ALK: variants seen among roughly 807,000 people sequenced by gnomAD.
The protein encoded by ALK is ALK tyrosine kinase receptor.
Under a neutral mutation model 163.1 loss-of-function variants are expected in ALK, and 74 were observed. The observed-to-expected ratio is 0.45, with a 90% confidence interval of 0.38 to 0.55. The LOEUF is 0.55. Among genes scored for constraint, ALK ranks in the 20% least tolerant of loss-of-function variants. The pLI, the probability that ALK is intolerant of heterozygous loss-of-function variation, is 0.00. For synonymous variants in ALK, 960 were observed against 843.2 expected (o/e 1.14, Z -2.40); for missense variants, 2,063 against 2,105.3 (o/e 0.98, Z 0.39).
chr2:29,603,630 G>A (rs781656519), intron 3 of ALK, among the ~76,000 whole-genome samples: 12 of 151,980 alleles, frequency 7.9e-5, no homozygotes, highest in Non-Finnish European at 8.8e-5. Flanking sequence ...TTGGCCAAGG[G>A]GAGGGGTGCA....
At chr2:29,536,678 C>T (rs1204330491) in intron 3 of ALK, among the ~76,000 whole-genome samples, 15 of 151,856 alleles carry the variant, frequency 9.9e-5, no homozygotes, top group African/African-American at 2.4e-4. Context: ...GGAATTTGGG[C>T]GGGAGAAGCT....
chr2:29,734,194 T>C (rs1383651381), intron 1 of ALK, among the ~76,000 whole-genome samples: 2 of 152,172 alleles, frequency 1.3e-5, no homozygotes, highest in African/African-American at 4.8e-5. Flanking sequence ...GACTTGGCAA[T>C]TGTGCAATCT....
At chr2:29,336,650 C>G (rs1390131165) in intron 5 of ALK, among the ~76,000 whole-genome samples, 2 of 152,168 alleles carry the variant, frequency 1.3e-5, no homozygotes, top group African/African-American at 4.8e-5. Context: ...AAACAGAAAC[C>G]CATGCATCCT....
intron 3 of ALK, among the ~76,000 whole-genome samples, chr2:29,603,152 A>C (rs1260925001): frequency 6.6e-6 from 1 of 152,234 alleles, no homozygotes; most frequent in African/African-American, 2.4e-5. Context: ...CAAGGTTCTT[A>C]TTATGAAGAT....
rs375512897 is a variant in ALK at position 29,227,726 on chromosome 2, A to G, written c.2816-54T>C. 1.4e-6 allele frequency: 2 copies of G among 1,388,192 alleles called. No homozygotes were observed. Among genetic ancestry groups the G allele is most frequent in the Non-Finnish European group, 2.0e-6 (2 of 975,698 alleles). 86.0% of individuals were successfully genotyped at this position (1,388,192 alleles called of 1,614,324 possible). A position where few individuals can be genotyped will look rare whatever the true frequency, so the allele number is the denominator to read the frequency against. The stretch of plus-strand genomic sequence containing the variant: ...CATGGGGGGTGGGTGCCAAAATCTT[A>G]ACACACACACACGTCAGTGGGGCAT... On this transcript the variant is annotated intron_variant, in intron 16 of 28. Transcript: ENST00000389048. This position sits in a 1 kb window ranked among gnomAD's most constrained non-coding sequence, Gnocchi z 4.4.
chr2:29,340,831 A>G (rs1276496175), intron 5 of ALK, among the ~76,000 whole-genome samples: 1 of 152,166 alleles, frequency 6.6e-6, no homozygotes, highest in Non-Finnish European at 1.5e-5. Flanking sequence ...TGGTGGCTTT[A>G]TCTAAAATCT....
rs532098080 is a variant in ALK at position 29,656,177 on chromosome 2, A to G, written c.952+38673T>C. ...GTGAATTTTAAAAATGTAAATTTTTACATTAAATACTTCATTAACCCCACC... is the reference window on the plus strand; with the variant it reads ...GTGAATTTTAAAAATGTAAATTTTTGCATTAAATACTTCATTAACCCCACC... On this transcript the variant is annotated intron_variant, in intron 3 of 28. Coordinates refer to ENST00000389048, the MANE Select transcript of ALK (RefSeq NM_004304.5). Among the ~76,000 whole-genome samples the G allele has an allele frequency of 4.6e-5, 7 of 152,286 alleles. No individual in the cohort carries two copies. The South Asian group carries it at 1.5e-3, about 32-fold the overall frequency.
intron 5 of ALK, among the ~76,000 whole-genome samples, chr2:29,344,312 G>T (rs932193531): frequency 6.6e-6 from 1 of 152,108 alleles, no homozygotes; most frequent in Non-Finnish European, 1.5e-5. Flanking sequence ...CTCATGAGTC[G>T]GGCAGGCTCA....
intron 9 of ALK, among the ~76,000 whole-genome samples, chr2:29,295,147 C>A (rs1666138150): frequency 6.6e-6 from 1 of 152,168 alleles, no homozygotes; most frequent in South Asian, 2.1e-4. Context: ...CCCCACTGGA[C>A]AGTTTGGTCT....
chr2:29,208,070 A>C (rs1163581803), intron 25 of ALK: 1 of 441,276 alleles, frequency 2.3e-6, no homozygotes, highest in Non-Finnish European at 4.5e-6. Flanking sequence ...GGACATAAAT[A>C]GGTCAGTCTC....
At chr2:29,809,172 T>C (rs1388399015) in intron 1 of ALK, among the ~76,000 whole-genome samples, 1 of 152,208 alleles carries the variant, frequency 6.6e-6, no homozygotes, top group Non-Finnish European at 1.5e-5. Flanking sequence ...TTAAGCAAGG[T>C]TCTGGAAACA....
intron 4 of ALK, among the ~76,000 whole-genome samples, chr2:29,465,373 AT>A (rs1671185140): frequency 1.3e-5 from 2 of 152,258 alleles, no homozygotes; most frequent in African/African-American, 4.8e-5. Flanking sequence ...TTTAGACAAA[AT>A]TCTATAGGGA....
chr2:29,902,126 G>A lies in ALK; in HGVS notation c.667+17867C>T, dbSNP rs188723198. On this transcript the variant is annotated intron_variant, in intron 1 of 28. Transcript: ENST00000389048. ...TGCCCAGCCCTGACTTCTTACATGA[G>A]TTCTAGTGCCATGTTTCCAGCTAGC... 2.4e-4 allele frequency among the ~76,000 whole-genome samples: 36 copies of A among 152,252 alleles called. No individual in the cohort carries two copies. In the East Asian group the frequency reaches 6.8e-3, roughly 29 times the overall value.
chr2:29,847,946 C>T (rs192231294), intron 1 of ALK, among the ~76,000 whole-genome samples: 3 of 152,080 alleles, frequency 2.0e-5, no homozygotes, highest in African/African-American at 4.8e-5. Flanking sequence ...AGCTTTGATA[C>T]GCTCATTGTC....
chr2:29,454,914 C>A (rs540380897), intron 4 of ALK, among the ~76,000 whole-genome samples: 2 of 152,122 alleles, frequency 1.3e-5, no homozygotes, highest in South Asian at 4.2e-4. Context: ...AAATAAAAGT[C>A]CTATGCGGTT....
At chr2:29,435,081 G>A (rs1670366353) in intron 4 of ALK, among the ~76,000 whole-genome samples, 1 of 152,098 alleles carries the variant, frequency 6.6e-6, no homozygotes, top group Admixed American at 6.6e-5. Context: ...AAGCCCTTGG[G>A]ACCTCTCAGT....
rs529845521 is a variant in ALK, at chr2:29,284,361, A to G, written c.1818-8865T>C. Among the ~76,000 whole-genome samples the G allele has an allele frequency of 8.5e-5, 13 of 152,274 alleles. No homozygotes were observed. The South Asian group carries it at 2.7e-3, about 32-fold the overall frequency. ...AGATAGAACTGGATTCTTTGCTTCA[A>G]ATATTGGAAGCTCAATTATCTCCTA... On this transcript the variant is annotated intron_variant, in intron 9 of 28. Coordinates refer to ENST00000389048, the MANE Select transcript of ALK (RefSeq NM_004304.5).
chr2:29,244,745 C>T (rs185875915), intron 12 of ALK, among the ~76,000 whole-genome samples: 3 of 152,386 alleles, frequency 2.0e-5, no homozygotes, highest in African/African-American at 7.2e-5. Flanking sequence ...ATTCCTCCAT[C>T]TCTGACATTC....
chr2:29,244,394 C>A (rs941972837), intron 12 of ALK, among the ~76,000 whole-genome samples: 2 of 152,136 alleles, frequency 1.3e-5, no homozygotes, highest in South Asian at 4.2e-4. Context: ...GATTTCTGAT[C>A]AGGTATATAG....
Sources: allele counts gnomAD v4.1 joint callset (sites outside exome capture counted in the v4.1 genomes callset), GRCh38; gene constraint gnomAD v4.1.1; non-coding constraint Gnocchi (gnomAD v3.1); transcripts MANE v1.5; gene names NCBI Gene and HGNC (gene_info 2026-07-23, HGNC 2026-07-21).